WDR25: variants seen among roughly 807,000 people sequenced by gnomAD.
WDR25 encodes the protein WD repeat-containing protein 25.
Under a neutral mutation model 47.7 loss-of-function variants are expected in WDR25, and 35 were observed. The observed-to-expected ratio is 0.73, with a 90% CI of 0.56 to 0.97. WDR25 has a LOEUF of 0.97. Ranked by LOEUF, WDR25 falls within the 50% of genes least tolerant of loss-of-function variation. The pLI is 0.00. For missense variants in WDR25, 634 were observed against 704.7 expected (o/e 0.90, Z 1.14); for synonymous variants, 248 against 278.9 (o/e 0.89, Z 1.10).
At chr14:100,489,269 C>G (rs1254506282) in intron 4 of WDR25, among the ~76,000 whole-genome samples, 1 of 152,202 alleles carries the variant, frequency 6.6e-6, no homozygotes, top group Non-Finnish European at 1.5e-5. Flanking sequence ...AGTTATGAGT[C>G]TCTTGCATTT....
Position 100,403,122 on chromosome 14 carries a change from G to A in WDR25, c.822+21376G>A, listed in dbSNP as rs150636373. ...CTTTCTACCAAGTAAGCTTCCTCTC[G>A]GGGAAGAGACCATTCTTCTTTATTT... On this transcript the variant is annotated intron_variant, in intron 2 of 6. Transcript: ENST00000402312. 2.3e-3 allele frequency among the ~76,000 whole-genome samples: 345 copies of A among 152,224 alleles called. 2 individuals carry two copies. Among genetic ancestry groups the A allele is most frequent in the African/African-American group, 8.0e-3 (332 of 41,526 alleles).
chr14:100,461,217 G>A (rs1899402537), intron 2 of WDR25, among the ~76,000 whole-genome samples: 1 of 151,976 alleles, frequency 6.6e-6, no homozygotes, highest in Admixed American at 6.6e-5. Context: ...CCCTGACTTG[G>A]AAAGAAAAGA....
intron 4 of WDR25, among the ~76,000 whole-genome samples, chr14:100,516,743 A>G (rs1307618168): frequency 6.6e-6 from 1 of 152,042 alleles, no homozygotes; most frequent in Non-Finnish European, 1.5e-5. Context: ...CTTATAAGCT[A>G]TGTATTTTAT....
At chr14:100,417,514 C>T (rs910338195) in intron 2 of WDR25, among the ~76,000 whole-genome samples, 2 of 152,184 alleles carry the variant, frequency 1.3e-5, no homozygotes, top group Non-Finnish European at 2.9e-5. Flanking sequence ...GCTGGTTGCT[C>T]CAGCCACTCT....
rs1420116525 is a variant in WDR25 at position 100,404,179 on chromosome 14, G to T, written c.822+22433G>T. Among the ~76,000 whole-genome samples, 1 of 152,210 alleles carries T rather than the reference G, an allele frequency of 6.6e-6. No individual in the cohort carries two copies. The highest frequency in any genetic ancestry group is 2.4e-5 in the African/African-American group (1 of 41,454). On this transcript the variant is annotated intron_variant, in intron 2 of 6. Transcript: ENST00000402312. This position sits in a 1 kb window ranked among gnomAD's most constrained non-coding sequence, Gnocchi z 4.6. ...CATGATTGGTCCCCCTGAAACCTCT[G>T]AGGTGCCGATGGCATGCCCCAACCT...
At chr14:100,385,339 A>T (rs1166332965) in intron 2 of WDR25, among the ~76,000 whole-genome samples, 2 of 152,216 alleles carry the variant, frequency 1.3e-5, no homozygotes, top group Non-Finnish European at 2.9e-5. Flanking sequence ...GCACAGTAAG[A>T]CTTAATATAA....
chr14:100,483,863 C>T (rs1595135507), intron 3 of WDR25, 131 bp from the exon 4 acceptor site: 2 of 1,116,398 alleles, frequency 1.8e-6, no homozygotes, highest in East Asian at 2.7e-5. Flanking sequence ...CAAAAAGTGT[C>T]CATTGGGCTA....
chr14:100,483,411 C>T (rs979506100), intron 3 of WDR25, among the ~76,000 whole-genome samples: 5 of 152,208 alleles, frequency 3.3e-5, no homozygotes, highest in Admixed American at 1.3e-4. Flanking sequence ...CCACACCACC[C>T]TGTCCAATCT....
At position 100,505,950 on chromosome 14, in the gene WDR25, G is replaced by A. The variant is rs927843958; in HGVS notation, c.1102-19920G>A. Among the ~76,000 whole-genome samples, 6 of 152,176 alleles carry A rather than the reference G, an allele frequency of 3.9e-5. No individual in the cohort carries two copies. The East Asian group carries it at 5.8e-4, about 15-fold the overall frequency. The stretch of plus-strand genomic sequence containing the variant: ...TTTATTTTAGATCCAGGGGATACAC[G>A]TGCAGGTTTGTTACCTGGGTATAAT... On this transcript the variant is annotated intron_variant, in intron 4 of 6. Transcript: ENST00000402312.
intron 5 of WDR25, among the ~76,000 whole-genome samples, chr14:100,526,754 T>C (rs200224789): frequency 0.19 from 46 of 244 alleles, no homozygotes; most frequent in East Asian, 0.38. Context: ...CAACCACTGT[T>C]GTCATTGTCA....
At chr14:100,465,248 A>G (rs1044202868) in intron 2 of WDR25, among the ~76,000 whole-genome samples, 4 of 152,202 alleles carry the variant, frequency 2.6e-5, no homozygotes, top group African/African-American at 9.7e-5. Flanking sequence ...TATTAAGCAT[A>G]CAGGTCAGTG....
chr14:100,440,733 T>G lies in WDR25; in HGVS notation c.823-27288T>G, dbSNP rs986186728. Among the ~76,000 whole-genome samples the G allele has an allele frequency of 6.6e-6, 1 of 152,226 alleles. No individual in the cohort carries two copies. Among genetic ancestry groups the G allele is most frequent in the African/African-American group, 2.4e-5 (1 of 41,460 alleles). ...GCAGCAATTCTCAGGTCAGGATTAT[T>G]TGGGAGATCCATATTACTTCTGATT... is the stretch of plus-strand genomic sequence containing the variant. On this transcript the variant is annotated intron_variant, in intron 2 of 6. Coordinates refer to ENST00000402312, the MANE Select transcript of WDR25 (RefSeq NM_001161476.3). The surrounding 1 kb of genome is among the most constrained non-coding windows in gnomAD (Gnocchi z 4.4).
chr14:100,380,711 C>T (rs1248138463), intron 1 of WDR25, among the ~76,000 whole-genome samples, 199 bp from the exon 2 acceptor site: 1 of 152,102 alleles, frequency 6.6e-6, no homozygotes, highest in Non-Finnish European at 1.5e-5. Flanking sequence ...CCAGGCTGGT[C>T]TCGAACTCCT....
At chr14:100,409,151 G>A (rs1166836633) in intron 2 of WDR25, among the ~76,000 whole-genome samples, 3 of 152,158 alleles carry the variant, frequency 2.0e-5, no homozygotes, top group South Asian at 2.1e-4. Flanking sequence ...CAACTCTGCC[G>A]TTTTCTGTCT....
At chr14:100,420,830 G>A (rs1168628802) in intron 2 of WDR25, among the ~76,000 whole-genome samples, 1 of 152,150 alleles carries the variant, frequency 6.6e-6, no homozygotes, top group African/African-American at 2.4e-5. Context: ...CAGGAGACTT[G>A]AGAGAGAGTC....
chr14:100,416,121 A>T lies in WDR25; in HGVS notation c.822+34375A>T, dbSNP rs1309260728. 2.0e-5 allele frequency among the ~76,000 whole-genome samples: 3 copies of T among 152,330 alleles called. No individual in the cohort carries two copies. The East Asian group carries it at 5.8e-4, about 29-fold the overall frequency. ...GTCATTCAGCCTCTGCTGTCCAATC[A>T]GCCACTGAGTTGTGACTTCTCTACT... On this transcript the variant is annotated intron_variant, in intron 2 of 6. Coordinates refer to ENST00000402312, the MANE Select transcript of WDR25 (RefSeq NM_001161476.3).
rs1372991721 is a variant in WDR25, at chr14:100,428,911, C to T, written c.823-39110C>T. Reference sequence around the variant, plus strand: ...CCTCTTGCGTCTTTGGCACCAGAGGCGTCATCCCCCGAGCCACTCTGAGTC... The same window carrying T: ...CCTCTTGCGTCTTTGGCACCAGAGGTGTCATCCCCCGAGCCACTCTGAGTC... On this transcript the variant is annotated intron_variant, in intron 2 of 6. Coordinates refer to ENST00000402312, the MANE Select transcript of WDR25 (RefSeq NM_001161476.3). The surrounding 1 kb of genome is among the most constrained non-coding windows in gnomAD (Gnocchi z 4.3). Among the ~76,000 whole-genome samples, 6 of 152,088 alleles carry T rather than the reference C, an allele frequency of 3.9e-5. No homozygotes were observed. Among genetic ancestry groups the T allele is most frequent in the South Asian group, 2.1e-4 (1 of 4,812 alleles).
chr14:100,418,583 G>A (rs1897937515), intron 2 of WDR25, among the ~76,000 whole-genome samples: 1 of 150,916 alleles, frequency 6.6e-6, no homozygotes, highest in Non-Finnish European at 1.5e-5. Flanking sequence ...GTTGCAGTGA[G>A]CCAAGATTGT....
rs1308487447 is a variant in WDR25, at chr14:100,440,586, A to C, written c.823-27435A>C. On this transcript the variant is annotated intron_variant, in intron 2 of 6. Coordinates refer to ENST00000402312, the MANE Select transcript of WDR25 (RefSeq NM_001161476.3). The surrounding 1 kb of genome is among the most constrained non-coding windows in gnomAD (Gnocchi z 4.4). ...AAAAACACAGGCTCCTGCTTTGTCC[A>C]TGTGGAAGGAGCCCAGGCTGCCCTG... is the stretch of plus-strand genomic sequence containing the variant. Among the ~76,000 whole-genome samples, 2 of 152,240 alleles carry C rather than the reference A, an allele frequency of 1.3e-5. No homozygotes were observed. Among genetic ancestry groups the C allele is most frequent in the African/African-American group, 4.8e-5 (2 of 41,462 alleles).
Sources: gnomAD v4.1 joint callset for allele counts (sites outside exome capture counted in the v4.1 genomes callset) on GRCh38, gnomAD v4.1.1 for gene constraint, Gnocchi (gnomAD v3.1) non-coding constraint, MANE v1.5 for transcripts, NCBI Gene and HGNC (gene_info 2026-07-23, HGNC 2026-07-21) for gene names.